The following EBF3 variants were observed in gnomAD, a reference collection of about 807,000 sequenced individuals.
The protein encoded by EBF3 is transcription factor COE3.
In EBF3, 18 loss-of-function variants were observed where a neutral mutation model predicts 77.1. The observed-to-expected ratio is 0.23, with a 90% CI of 0.16 to 0.35. The LOEUF is 0.35. Ranked by LOEUF, EBF3 falls within the 10% of genes least tolerant of loss-of-function variation. EBF3 has a pLI of 1.00. For missense variants in EBF3, 558 were observed against 860.0 expected (o/e 0.65, Z 4.39); for synonymous variants, 350 against 343.5 (o/e 1.02, Z -0.21).
intron 6 of EBF3, among the ~76,000 whole-genome samples, chr10:129,913,627 G>GT (rs1855674967): frequency 6.6e-6 from 1 of 152,226 alleles, no homozygotes; most frequent in East Asian, 1.9e-4. Context: ...TGTATTCCTT[G>GT]TAAAAAATAA....
Position 129,837,667 on chromosome 10 carries a change from C to CCTTATT in EBF3, c.*270_*275dup. The CCTTATT allele has an allele frequency of 2.4e-6, 1 of 416,132 alleles. No homozygotes were observed. Among genetic ancestry groups the CCTTATT allele is most frequent in the African/African-American group, 2.1e-5 (1 of 48,678 alleles). 25.8% of individuals were successfully genotyped at this position (416,132 alleles called of 1,614,324 possible). A position where few individuals can be genotyped will look rare whatever the true frequency, so the allele number is the denominator to read the frequency against. On this transcript the variant is annotated 3_prime_UTR_variant, in exon 17 of 17. Coordinates refer to ENST00000440978, the MANE Select transcript of EBF3 (RefSeq NM_001375380.1). ...TACAAAATAGGCGTCGCTTTGTTTT[C>CCTTATT]CTTATTCTTCAGGACTGAGAAATGT...
intron 6 of EBF3, among the ~76,000 whole-genome samples, chr10:129,924,350 G>A (rs1185434219): frequency 1.3e-5 from 2 of 151,764 alleles, no homozygotes. Context: ...GGGAAGTGGA[G>A]GTTGCAGGGA....
At position 129,963,235 on chromosome 10, in the gene EBF3, A is replaced by G. The variant is rs534643139; in HGVS notation, c.291+132T>C. On this transcript the variant is annotated intron_variant, in intron 2 of 16. Coordinates refer to ENST00000440978, the MANE Select transcript of EBF3 (RefSeq NM_001375380.1). This position sits in a 1 kb window ranked among gnomAD's most constrained non-coding sequence, Gnocchi z 7.1. Reference sequence around the variant, plus strand: ...GCCCTCGGCGGTCCCGGGCGGCCGCACGTGGCGGCGGCGGGGTGGCCTGGC... The same window carrying G: ...GCCCTCGGCGGTCCCGGGCGGCCGCGCGTGGCGGCGGCGGGGTGGCCTGGC... The G allele has an allele frequency of 5.4e-5, 71 of 1,321,192 alleles. No individual in the cohort carries two copies. The African/African-American group carries it at 1.1e-3, about 20-fold the overall frequency. The allele number at this position is 1,321,192 out of a possible 1,614,324, so 81.8% of individuals were successfully genotyped here. A position where few individuals can be genotyped will look rare whatever the true frequency, so the allele number is the denominator to read the frequency against.
chr10:129,851,665 T>C (rs1388593626), intron 10 of EBF3, among the ~76,000 whole-genome samples: 1 of 152,222 alleles, frequency 6.6e-6, no homozygotes, highest in African/African-American at 2.4e-5. Flanking sequence ...GTGCCCATTA[T>C]TTGTCCTGAA....
intron 6 of EBF3, among the ~76,000 whole-genome samples, chr10:129,915,483 C>A (rs1589849290): frequency 8.1e-6 from 1 of 122,846 alleles, no homozygotes; most frequent in Non-Finnish European, 1.7e-5. Flanking sequence ...CACACACACA[C>A]ACACACACAC....
chr10:129,926,564 GC>G (rs1208996472), intron 6 of EBF3, among the ~76,000 whole-genome samples: 1 of 152,114 alleles, frequency 6.6e-6, no homozygotes, highest in East Asian at 1.9e-4. Flanking sequence ...GCATCTCAGG[GC>G]TTGGGGGGTG....
chr10:129,953,187 G>A (rs534321120), intron 6 of EBF3, among the ~76,000 whole-genome samples: 39 of 151,782 alleles, frequency 2.6e-4, no homozygotes, highest in African/African-American at 7.7e-4. Flanking sequence ...TGCAGGGTAG[G>A]GGGGGCGCAG....
chr10:129,958,658 A>C (rs1219159590), intron 5 of EBF3, among the ~76,000 whole-genome samples: 1 of 152,214 alleles, frequency 6.6e-6, no homozygotes, highest in African/African-American at 2.4e-5. Context: ...GGACGGATGC[A>C]TCACCCAGAC....
chr10:129,915,462 G>GCACACACA (rs3041735), intron 6 of EBF3, among the ~76,000 whole-genome samples: 1 of 139,636 alleles, frequency 7.2e-6, no homozygotes, highest in African/African-American at 2.7e-5. Context: ...GCGCACACAT[G>GCACACACA]CACACACACA....
chr10:129,879,422 C>T lies in EBF3; in HGVS notation c.555-1573G>A, dbSNP rs184204715. ...TGATTTTCTTACGTTCAAGGTTCCT[C>T]GCTGGCAATTAGAATATCAGAAAAT... On this transcript the variant is annotated intron_variant, in intron 6 of 16. Transcript: ENST00000440978. This position sits in a 1 kb window ranked among gnomAD's most constrained non-coding sequence, Gnocchi z 4.7. Among the ~76,000 whole-genome samples, 37 of 152,276 alleles carry T rather than the reference C, an allele frequency of 2.4e-4. No individual in the cohort carries two copies. In the East Asian group the frequency reaches 5.6e-3, roughly 23 times the overall value.
At chr10:129,950,454 C>T (rs1053950706) in intron 6 of EBF3, among the ~76,000 whole-genome samples, 1 of 152,172 alleles carries the variant, frequency 6.6e-6, no homozygotes, top group African/African-American at 2.4e-5. Flanking sequence ...AAGAGTTTCC[C>T]TATACCCCTC....
At chr10:129,936,114 G>C (rs183999557) in intron 6 of EBF3, among the ~76,000 whole-genome samples, 1 of 152,326 alleles carries the variant, frequency 6.6e-6, no homozygotes, top group East Asian at 1.9e-4. Context: ...GAATTATATA[G>C]AATTCCATTT....
rs1487211726 is a variant in EBF3 at position 129,935,429 on chromosome 10, T to C, written c.554+21829A>G. On this transcript the variant is annotated intron_variant, in intron 6 of 16. Transcript: ENST00000440978. This position sits in a 1 kb window ranked among gnomAD's most constrained non-coding sequence, Gnocchi z 4.2. ...AGTGCCATCATTCTGACCTTCCTTC[T>C]GTGCTGCAAACTCCCACCAACGGGA... Among the ~76,000 whole-genome samples the C allele has an allele frequency of 6.6e-6, 1 of 152,168 alleles. No individual in the cohort carries two copies. The highest frequency in any genetic ancestry group is 1.5e-5 in the Non-Finnish European group (1 of 68,036).
intron 10 of EBF3, among the ~76,000 whole-genome samples, chr10:129,852,956 G>A (rs1203730103): frequency 6.6e-6 from 1 of 152,206 alleles, no homozygotes; most frequent in Non-Finnish European, 1.5e-5. Context: ...GGCAGTCCAG[G>A]GCGTTGAGGT....
intron 6 of EBF3, among the ~76,000 whole-genome samples, chr10:129,907,143 T>C (rs553835148): frequency 2.1e-4 from 32 of 152,348 alleles, no homozygotes; most frequent in African/African-American, 7.7e-4. Context: ...GGCTGACATG[T>C]AGAAGAACAA....
At chr10:129,840,107 G>A (rs1849911400) in intron 15 of EBF3, 138 bp downstream of exon 15, 8 of 1,093,556 alleles carry the variant, frequency 7.3e-6, no homozygotes, top group Non-Finnish European at 1.0e-5. Flanking sequence ...GGCAGAGGTG[G>A]CACGCATCAA....
rs1858353557 is a variant in EBF3 at position 129,947,969 on chromosome 10, A to T, written c.554+9289T>A. On this transcript the variant is annotated intron_variant, in intron 6 of 16. Transcript: ENST00000440978. The surrounding 1 kb of genome is among the most constrained non-coding windows in gnomAD (Gnocchi z 4.5). The stretch of plus-strand genomic sequence containing the variant: ...TGCCTACTGCTCAGTGAAAGAAGCC[A>T]GTCTGGGTGAGGCACGGTGGCTCAC... 6.6e-6 allele frequency among the ~76,000 whole-genome samples: 1 copy of T among 152,196 alleles called. No homozygotes were observed. Among genetic ancestry groups the T allele is most frequent in the Non-Finnish European group, 1.5e-5 (1 of 68,038 alleles).
chr10:129,962,355 T>C, intron 3 of EBF3, 129 bp from the exon 4 acceptor site: 1 of 772,334 alleles, frequency 1.3e-6, no homozygotes, highest in Middle Eastern at 2.4e-4. Context: ...AGGCAATCCC[T>C]TTGAAAGGGA....
rs1850185819 is a variant in EBF3 at position 129,842,889 on chromosome 10, A to T, written c.1194+248T>A. Among the ~76,000 whole-genome samples, 1 of 151,328 alleles carries T rather than the reference A, an allele frequency of 6.6e-6. No individual in the cohort carries two copies. Reference sequence around the variant, plus strand: ...GTCCACCCGCCACTGCACACTGCAGATGGGTTTCAAGGCTGTGCACTCCCG... The same window carrying T: ...GTCCACCCGCCACTGCACACTGCAGTTGGGTTTCAAGGCTGTGCACTCCCG... On this transcript the variant is annotated intron_variant, in intron 12 of 16. Coordinates refer to ENST00000440978, the MANE Select transcript of EBF3 (RefSeq NM_001375380.1). The surrounding 1 kb of genome is among the most constrained non-coding windows in gnomAD (Gnocchi z 4.4).
Sources: gnomAD v4.1 joint callset for allele counts (sites outside exome capture counted in the v4.1 genomes callset) on GRCh38, gnomAD v4.1.1 for gene constraint, Gnocchi (gnomAD v3.1) non-coding constraint, MANE v1.5 for transcripts, NCBI Gene and HGNC (gene_info 2026-07-23, HGNC 2026-07-21) for gene names.